Variants in VNN1 observed in about 807,000 individuals in gnomAD.
The protein encoded by VNN1 is vanin 1, also known as pantetheinase.
Under a neutral mutation model 41.9 loss-of-function variants are expected in VNN1, and 29 were observed. The observed-to-expected ratio is 0.69, with a 90% CI of 0.52 to 0.94. The LOEUF (loss-of-function observed/expected upper bound fraction) is 0.94. Ranked by LOEUF, VNN1 falls within the 40% of genes least tolerant of loss-of-function variation. The pLI is 0.00. For missense variants in VNN1, 637 were observed against 621.1 expected, an observed-to-expected ratio of 1.03 and a Z score of -0.27; for synonymous variants, 233 against 224.4, an observed-to-expected ratio of 1.04 and a Z score of -0.34.
rs112836175 is a variant in VNN1 at position 132,711,755 on chromosome 6, T to A, written c.295A>T (p.Ile99Phe). The A allele has an allele frequency of 2.5e-6, 4 of 1,613,962 alleles. No individual in the cohort carries two copies. Among genetic ancestry groups the A allele is most frequent in the African/African-American group, 1.3e-5 (1 of 74,920 alleles). Residue 99 changes from isoleucine to phenylalanine, a missense_variant, in exon 2 of 7, where the codon ATC becomes TTC. Physicochemically the swap from Ile to Phe is conservative, Grantham distance 21 (BLOSUM62 0). Transcript: ENST00000367928. ...ATCCAGTTTACTTCAGGGTCTGGGATGTCCTCCAAATATGGGTAGAGAGAG... is the reference window on the plus strand; with the variant it reads ...ATCCAGTTTACTTCAGGGTCTGGGAAGTCCTCCAAATATGGGTAGAGAGAG... ...RDSLYPYLED[I>F]PDPEVNWIPC... is the part of the protein sequence containing the mutation.
chr6:132,690,911 G>A (rs1055124731), intron 5 of VNN1, among the ~76,000 whole-genome samples: 2 of 152,162 alleles, frequency 1.3e-5, no homozygotes, highest in Admixed American at 6.5e-5. Flanking sequence ...TGGAGAGGTA[G>A]GAGTAGCTCT....
At chr6:132,693,349 A>T (rs752378790) in intron 3 of VNN1, 34 bp from the exon 4 acceptor site, 1 of 1,546,096 alleles carries the variant, frequency 6.5e-7, no homozygotes, top group Admixed American at 2.0e-5. Context: ...GAAAAAAATT[A>T]TTTTAGGAAG....
At chr6:132,692,719 A>G in intron 4 of VNN1, 135 bp from the exon 5 acceptor site, 2 of 1,257,048 alleles carry the variant, frequency 1.6e-6, no homozygotes, top group Non-Finnish European at 1.0e-6. Context: ...TCAGTAAAAC[A>G]TGCTGATAAA....
At chr6:132,692,003 CAAA>C (rs571783951) in intron 5 of VNN1, among the ~76,000 whole-genome samples, 1 of 86,094 alleles carries the variant, frequency 1.2e-5, no homozygotes, top group Non-Finnish European at 2.6e-5. Context: ...GACTCTGTCT[CAAA>C]AAAAAAAAAA....
At chr6:132,698,601 C>T (rs1778405735) in intron 2 of VNN1, among the ~76,000 whole-genome samples, 1 of 152,226 alleles carries the variant, frequency 6.6e-6, no homozygotes, top group Admixed American at 6.5e-5. Flanking sequence ...CAGCTCCAAG[C>T]TGACCCTGAT....
At chr6:132,684,793 GT>G (rs2114330643) in intron 5 of VNN1, among the ~76,000 whole-genome samples, 1 of 151,666 alleles carries the variant, frequency 6.6e-6, no homozygotes, top group Non-Finnish European at 1.5e-5. Context: ...ACTTTATTTG[GT>G]AAAATAATGT....
At position 132,680,978 on chromosome 6, in the gene VNN1, A is replaced by G. The variant is rs1437302336; in HGVS notation, c.*2162T>C. 1.3e-5 allele frequency among the ~76,000 whole-genome samples: 2 copies of G among 152,216 alleles called. No individual in the cohort carries two copies. Among genetic ancestry groups the G allele is most frequent in the African/African-American group, 2.4e-5 (1 of 41,456 alleles). ...CACATATAGCAAAAAGAAAAGGAAA[A>G]CAATCCTATTTTTTAAATTACATTG... is the stretch of plus-strand genomic sequence containing the variant. On this transcript the variant is annotated 3_prime_UTR_variant, in exon 7 of 7. Transcript: ENST00000367928.
At position 132,692,546 on chromosome 6, in the gene VNN1, G is replaced by A. The variant is rs955598054; in HGVS notation, c.865C>T (p.His289Tyr). 1.9e-6 allele frequency: 3 copies of A among 1,602,282 alleles called. No individual in the cohort carries two copies. Among genetic ancestry groups the A allele is most frequent in the Admixed American group, 1.7e-5 (1 of 58,822 alleles). ...IYAPNSSRAF[H>Y]YDMKTEEGKL... ...CCCTCTTCTGTCTTCATATCATAAT[G>A]AAATGCTCTTGAAGAATTGGGTGCA... The change falls in exon 5 of 7, where the codon CAT becomes TAT. Residue 289 changes from histidine (H) to tyrosine (Y), a missense_variant. His to Tyr is a moderately conservative substitution (Grantham distance 83, BLOSUM62 2). Transcript: ENST00000367928.
intron 5 of VNN1, among the ~76,000 whole-genome samples, chr6:132,691,772 G>A (rs930242442): frequency 4.6e-5 from 7 of 152,146 alleles, no homozygotes; most frequent in Non-Finnish European, 7.4e-5. Flanking sequence ...TGAGGTGGGC[G>A]GATCACCTGA....
chr6:132,713,366 T>C (rs1562222656), intron 1 of VNN1, among the ~76,000 whole-genome samples: 3 of 152,218 alleles, frequency 2.0e-5, no homozygotes, highest in Admixed American at 2.0e-4. Flanking sequence ...GAATGAAGTG[T>C]GAAGTATATA....
At chr6:132,713,679 G>T (rs1778633534) in intron 1 of VNN1, 147 bp downstream of exon 1, 1 of 832,420 alleles carries the variant, frequency 1.2e-6, no homozygotes, top group Non-Finnish European at 1.8e-6. Context: ...GAGGAAAGTA[G>T]AATTCTAACT....
rs773048285 is a variant in VNN1, at chr6:132,692,507, AGAG to A, written c.901_903del (p.Leu301del). 42 of 1,612,922 alleles carry A rather than the reference AGAG, an allele frequency of 2.6e-5. No individual in the cohort carries two copies. The South Asian group carries it at 2.6e-4, about 10-fold the overall frequency. On this transcript the variant is annotated inframe_deletion, in exon 5 of 7. Coordinates refer to ENST00000367928, the MANE Select transcript of VNN1 (RefSeq NM_004666.3). Reference sequence around the variant, plus strand: ...TGGGATGGGTGGGAATCCAGTTGCGAGAGGAGGAGTTTTCCCTCTTCTGTCTTC... The same window carrying A: ...TGGGATGGGTGGGAATCCAGTTGCGAGAGGAGTTTTCCCTCTTCTGTCTTC...
rs374785173 is a variant in VNN1, at chr6:132,683,091, C to T, written c.*49G>A. 2.0e-6 allele frequency: 3 copies of T among 1,523,074 alleles called. No homozygotes were observed. The highest frequency in any genetic ancestry group is 8.9e-7 in the Non-Finnish European group (1 of 1,126,418). 94.3% of individuals were successfully genotyped at this position (1,523,074 alleles called of 1,614,324 possible). On this transcript the variant is annotated 3_prime_UTR_variant, in exon 7 of 7. Transcript: ENST00000367928. ...CCCGGACCAATCTTTCTTTTCTCAT[C>T]CATCATTTTTTAAATTATCCCAAAT...
intron 3 of VNN1, 134 bp from the exon 4 acceptor site, chr6:132,693,449 T>C: frequency 9.8e-7 from 1 of 1,022,700 alleles, no homozygotes; most frequent in Non-Finnish European, 1.4e-6. Flanking sequence ...GGGAAATGAG[T>C]TTGCTTTAGA....
At chr6:132,697,242 C>G (rs533030609) in intron 2 of VNN1, among the ~76,000 whole-genome samples, 1 of 152,070 alleles carries the variant, frequency 6.6e-6, no homozygotes, top group East Asian at 1.9e-4. Context: ...TAAATAGGTA[C>G]TATTAAAGCC....
chr6:132,703,089 T>A (rs191679422), intron 2 of VNN1, among the ~76,000 whole-genome samples: 20 of 152,274 alleles, frequency 1.3e-4, no homozygotes, highest in Admixed American at 1.1e-3. Flanking sequence ...AGGACTTAGC[T>A]CCTGGATGGC....
intron 2 of VNN1, among the ~76,000 whole-genome samples, chr6:132,697,524 T>C (rs1778391078): frequency 6.6e-6 from 1 of 152,088 alleles, no homozygotes; most frequent in African/African-American, 2.4e-5. Context: ...AAATACAATT[T>C]TGAAAATAAT....
chr6:132,693,043 G>C lies in VNN1; in HGVS notation c.807C>G (p.Tyr269Ter), dbSNP rs139831650. 6.2e-7 allele frequency: 1 copy of C among 1,610,834 alleles called. No homozygotes were observed. Among genetic ancestry groups the C allele is most frequent in the African/African-American group, 1.3e-5 (1 of 74,954 alleles). The change falls in exon 4 of 7, where the codon TAC (tyrosine) becomes TAG (stop). Residue 269 changes from tyrosine to a stop codon, truncating the protein, a stop_gained. Coordinates refer to ENST00000367928, the MANE Select transcript of VNN1 (RefSeq NM_004666.3). LOFTEE classifies it high-confidence loss of function. Reference protein sequence around the residue: ...RVNFLASNIHYPSKKMTGSGI... With the variant: ...RVNFLASNIH Reference sequence around the variant, plus strand: ...CATTACCTGTCATTTTCTTTGAGGGGTAATGTATGTTGGATGCAAGGAAAT... The same window carrying C: ...CATTACCTGTCATTTTCTTTGAGGGCTAATGTATGTTGGATGCAAGGAAAT...
chr6:132,698,555 T>C (rs1160761969), intron 2 of VNN1, among the ~76,000 whole-genome samples: 1 of 152,192 alleles, frequency 6.6e-6, no homozygotes, highest in Non-Finnish European at 1.5e-5. Flanking sequence ...TATGAAATAA[T>C]ATGCAATCAA....
Sources: gnomAD v4.1 joint callset for allele counts (sites outside exome capture counted in the v4.1 genomes callset) on GRCh38, gnomAD v4.1.1 for gene constraint, MANE v1.5 for transcripts, NCBI Gene and HGNC (gene_info 2026-07-23, HGNC 2026-07-21) for gene names.